The following RNF216 variants were observed in gnomAD, a reference collection of about 807,000 sequenced individuals.
RNF216 encodes the protein E3 ubiquitin-protein ligase RNF216.
RNF216 carries 72 observed loss-of-function variants against 110.8 expected under a neutral mutation model. The observed-to-expected ratio is 0.65, with a 90% CI of 0.54 to 0.79. The LOEUF is 0.79. RNF216 is among the 30% of genes least tolerant of loss of function. RNF216 has a pLI of 0.00. For missense variants in RNF216, 1,342 were observed against 1,141.2 expected (o/e 1.18, Z -2.54); for synonymous variants, 495 against 407.5 (o/e 1.21, Z -2.59).
chr7:5,738,700 T>A (rs1229405222), intron 5 of RNF216, among the ~76,000 whole-genome samples: 1 of 78,718 alleles, frequency 1.3e-5, no homozygotes, highest in African/African-American at 5.3e-5. Flanking sequence ...AGAGTGAGAC[T>A]CCGTCTCAAA....
At chr7:5,745,966 G>A (rs565858902) in intron 3 of RNF216, among the ~76,000 whole-genome samples, 117 of 151,320 alleles carry the variant, frequency 7.7e-4, no homozygotes, top group Admixed American at 2.1e-3. Flanking sequence ...CCTGATGCTA[G>A]ACTCACAATA....
intron 9 of RNF216, among the ~76,000 whole-genome samples, chr7:5,720,249 C>G (rs910847465): frequency 6.6e-6 from 1 of 152,196 alleles, no homozygotes; most frequent in African/African-American, 2.4e-5. Flanking sequence ...CACCCTGAGA[C>G]AGCAAAACCA....
intron 15 of RNF216, among the ~76,000 whole-genome samples, chr7:5,634,769 G>A (rs1787297129): frequency 6.6e-6 from 1 of 152,216 alleles, no homozygotes; most frequent in African/African-American, 2.4e-5. Context: ...GGGCCTGGTG[G>A]GATCTGCTGA....
intron 13 of RNF216, among the ~76,000 whole-genome samples, chr7:5,687,280 C>T (rs1445573628): frequency 1.3e-5 from 2 of 150,638 alleles, no homozygotes; most frequent in Non-Finnish European, 2.9e-5. Context: ...CCTGTAATCT[C>T]AGCTACTTGG....
At chr7:5,770,938 G>C (rs1417668109) in intron 1 of RNF216, among the ~76,000 whole-genome samples, 1 of 151,954 alleles carries the variant, frequency 6.6e-6, no homozygotes, top group Admixed American at 6.6e-5. Flanking sequence ...CTCCAGAGTT[G>C]CTGGAATTAC....
At chr7:5,679,569 G>A (rs1790521817) in intron 13 of RNF216, among the ~76,000 whole-genome samples, 1 of 152,234 alleles carries the variant, frequency 6.6e-6, no homozygotes, top group Non-Finnish European at 1.5e-5. Flanking sequence ...ATTTCTGGAA[G>A]CCTAAGTGAT....
chr7:5,698,247 T>G (rs1055681752), intron 13 of RNF216, among the ~76,000 whole-genome samples: 1 of 152,152 alleles, frequency 6.6e-6, no homozygotes, highest in Non-Finnish European at 1.5e-5. Flanking sequence ...GCAGCTGGAC[T>G]GCATGTAAGC....
chr7:5,781,135 G>C (rs1371479383), intron 1 of RNF216, among the ~76,000 whole-genome samples: 1 of 152,202 alleles, frequency 6.6e-6, no homozygotes, highest in Non-Finnish European at 1.5e-5. Context: ...TCACAGGCAC[G>C]GCCCGCCTCC....
chr7:5,658,375 G>T (rs923832048), intron 13 of RNF216, among the ~76,000 whole-genome samples: 4 of 152,024 alleles, frequency 2.6e-5, no homozygotes, highest in Non-Finnish European at 5.9e-5. Flanking sequence ...AATTATTTTG[G>T]GCCGGGCACA....
chr7:5,648,270 G>A (rs1002280228), intron 14 of RNF216, among the ~76,000 whole-genome samples: 4 of 151,640 alleles, frequency 2.6e-5, no homozygotes, highest in Non-Finnish European at 5.9e-5. Context: ...CCATGCCTGG[G>A]TAATTTTGTA....
At position 5,671,247 on chromosome 7, in the gene RNF216, C is replaced by T. The variant is rs371280334; in HGVS notation, c.2062-18737G>A. Among the ~76,000 whole-genome samples the T allele has an allele frequency of 2.6e-5, 4 of 152,322 alleles. No homozygotes were observed. In the East Asian group the frequency reaches 7.7e-4, roughly 29 times the overall value. ...ACCCAGCTGCTCATGCCTGAATAGA[C>T]TTGCCTTTGGCTCATCTCTAAGCCC... On this transcript the variant is annotated intron_variant, in intron 13 of 16. Transcript: ENST00000389902.
intron 13 of RNF216, among the ~76,000 whole-genome samples, chr7:5,662,197 C>T (rs553779582): frequency 1.3e-3 from 197 of 152,290 alleles, no homozygotes; most frequent in African/African-American, 4.2e-3. Flanking sequence ...CTGAGGATAC[C>T]CTTTCTTACT....
chr7:5,719,898 G>C (rs1793308626), intron 9 of RNF216, among the ~76,000 whole-genome samples: 1 of 152,170 alleles, frequency 6.6e-6, no homozygotes, highest in Non-Finnish European at 1.5e-5. Context: ...TTCATATCCT[G>C]GGATGTGGCA....
intron 13 of RNF216, among the ~76,000 whole-genome samples, chr7:5,689,942 A>C (rs10250639): frequency 0.011 from 1,603 of 151,828 alleles, 37 homozygotes; most frequent in African/African-American, 0.036. Context: ...AACAAAAAAA[A>C]AAAAAGAACA....
In RNF216 at chr7:5,652,275, G is replaced by C. The variant is rs73338067; in HGVS notation, c.2159+138C>G. 295 of 642,472 alleles carry C rather than the reference G, an allele frequency of 4.6e-4. No individual in the cohort carries two copies. The African/African-American group carries it at 5.0e-3, about 11-fold the overall frequency. 39.8% of individuals were successfully genotyped at this position (642,472 alleles called of 1,614,324 possible). On this transcript the variant is annotated intron_variant, in intron 14 of 16. Coordinates refer to ENST00000389902, the MANE Select transcript of RNF216 (RefSeq NM_207111.4). ...TGAGGAAACAGAGGCTCAAGGGTTA[G>C]ATTACTTCCCCAAGATCACTCCAGA... is the stretch of plus-strand genomic sequence containing the variant.
At chr7:5,757,267 T>C (rs1218958433) in intron 2 of RNF216, among the ~76,000 whole-genome samples, 3 of 152,228 alleles carry the variant, frequency 2.0e-5, no homozygotes, top group African/African-American at 7.2e-5. Flanking sequence ...TTGCTTTGTA[T>C]ATTTTCCTAT....
chr7:5,622,638 C>T lies in RNF216; in HGVS notation c.*222G>A, dbSNP rs533374530. 1.3e-5 allele frequency: 7 copies of T among 550,704 alleles called. No individual in the cohort carries two copies. Among genetic ancestry groups the T allele is most frequent in the East Asian group, 1.2e-4 (4 of 34,060 alleles). The allele number at this position is 550,704 out of a possible 1,614,324, so 34.1% of individuals were successfully genotyped here. A position where few individuals can be genotyped will look rare whatever the true frequency, so the allele number is the denominator to read the frequency against. ...ATGCGAGGGGAGGGGCAGTTCACAT[C>T]GCAGCTCTCTCCGAACTCCACCATT... On this transcript the variant is annotated 3_prime_UTR_variant, in exon 17 of 17. Transcript: ENST00000389902.
chr7:5,657,768 A>G (rs778722026), intron 13 of RNF216, among the ~76,000 whole-genome samples: 3 of 152,196 alleles, frequency 2.0e-5, no homozygotes, highest in Admixed American at 1.3e-4. Flanking sequence ...GAAGGCCAGA[A>G]AGACACTGAT....
chr7:5,759,124 A>C (rs1014049398), intron 2 of RNF216, among the ~76,000 whole-genome samples: 1 of 152,114 alleles, frequency 6.6e-6, no homozygotes, highest in Admixed American at 6.6e-5. Flanking sequence ...CCTCTTCCCC[A>C]ACCCCTCTTG....
Sources: gnomAD v4.1 joint callset for allele counts (sites outside exome capture counted in the v4.1 genomes callset) on GRCh38, gnomAD v4.1.1 for gene constraint, MANE v1.5 for transcripts, NCBI Gene and HGNC (gene_info 2026-07-23, HGNC 2026-07-21) for gene names.